KCNMA1: variants seen among roughly 807,000 people sequenced by gnomAD.
KCNMA1 encodes potassium calcium-activated channel subfamily M alpha 1, also known as Calcium-activated potassium channel subunit alpha-1.
KCNMA1 carries 29 observed loss-of-function variants against 140.0 expected under a neutral mutation model. That is an observed-to-expected ratio of 0.21 (90% CI 0.15 to 0.28). The LOEUF is 0.28. Among genes scored for constraint, KCNMA1 ranks in the 10% least tolerant of loss-of-function variants. The probability of loss-of-function intolerance (pLI) is 1.00; values close to 1 mark genes in which losing one functional copy is unlikely to be tolerated. For missense variants in KCNMA1, 880 were observed against 1,602.2 expected, an observed-to-expected ratio of 0.55 and a Z score of 7.70; for synonymous variants, 612 against 611.9, an observed-to-expected ratio of 1.00 and a Z score of 0.00.
intron 2 of KCNMA1, among the ~76,000 whole-genome samples, chr10:77,256,601 G>A (rs2060812531): frequency 6.6e-6 from 1 of 152,144 alleles, no homozygotes; most frequent in Non-Finnish European, 1.5e-5. Flanking sequence ...CGTGCTAGGA[G>A]TACTAGAAAA....
intron 1 of KCNMA1, among the ~76,000 whole-genome samples, chr10:77,448,320 G>C (rs1446264671): frequency 6.6e-6 from 1 of 152,176 alleles, no homozygotes; most frequent in African/African-American, 2.4e-5. Context: ...ACATTTATCA[G>C]AATGAGGAAA....
chr10:77,326,477 T>C (rs925163920), intron 2 of KCNMA1, among the ~76,000 whole-genome samples: 11 of 151,876 alleles, frequency 7.2e-5, no homozygotes, highest in Admixed American at 2.0e-4. Flanking sequence ...TGGCACACAG[T>C]AAGTGCTGAA....
intron 9 of KCNMA1, among the ~76,000 whole-genome samples, chr10:77,102,185 T>C (rs1004275873): frequency 2.0e-5 from 3 of 152,118 alleles, no homozygotes; most frequent in Non-Finnish European, 4.4e-5. Context: ...TCCTTTAAGG[T>C]AGGGTAGGCT....
At chr10:77,378,054 A>G (rs1242895957) in intron 2 of KCNMA1, among the ~76,000 whole-genome samples, 1 of 152,222 alleles carries the variant, frequency 6.6e-6, no homozygotes, top group Non-Finnish European at 1.5e-5. Context: ...CAATGAGTTC[A>G]GAGAAGTCCC....
chr10:77,053,122 AG>A (rs2095429454), intron 14 of KCNMA1, among the ~76,000 whole-genome samples: 1 of 152,128 alleles, frequency 6.6e-6, no homozygotes, highest in African/African-American at 2.4e-5. Context: ...GGAAAGAGGG[AG>A]AGGACTTGCT....
intron 13 of KCNMA1, among the ~76,000 whole-genome samples, chr10:77,075,990 ACCCCTCCCTC>A (rs754917877): frequency 1.3e-5 from 2 of 151,492 alleles, no homozygotes; most frequent in Non-Finnish European, 2.9e-5. Flanking sequence ...CTACTTCACC[ACCCCTCCCTC>A]CTCTCATGGA....
chr10:77,186,296 G>T (rs532564160), intron 3 of KCNMA1, among the ~76,000 whole-genome samples: 8 of 151,020 alleles, frequency 5.3e-5, no homozygotes, highest in African/African-American at 1.9e-4. Context: ...CAAGCATTAA[G>T]AGTAACCTTT....
intron 3 of KCNMA1, among the ~76,000 whole-genome samples, chr10:77,225,459 C>T (rs1267514472): frequency 6.6e-6 from 1 of 152,200 alleles, no homozygotes; most frequent in Non-Finnish European, 1.5e-5. Flanking sequence ...AAAACAGAAG[C>T]TCTAAACAGA....
intron 2 of KCNMA1, among the ~76,000 whole-genome samples, chr10:77,317,129 G>C (rs931648198): frequency 6.6e-6 from 1 of 152,088 alleles, no homozygotes; most frequent in African/African-American, 2.4e-5. Flanking sequence ...CTACCACTTA[G>C]ACTGCCAACT....
intron 1 of KCNMA1, among the ~76,000 whole-genome samples, chr10:77,475,115 AC>A (rs1219205823): frequency 1.6e-4 from 25 of 152,168 alleles, no homozygotes; most frequent in African/African-American, 6.0e-4. Flanking sequence ...AAGTGCCTCA[AC>A]TTGTCCCCCT....
downstream of KCNMA1, chr10:76,876,681 C>T (rs1247544099): frequency 6.6e-6 from 1 of 152,134 alleles, no homozygotes; most frequent in Non-Finnish European, 1.5e-5. Flanking sequence ...AATCTGTCTC[C>T]ATGATTGTAG....
chr10:77,322,298 T>A (rs1480406001), intron 2 of KCNMA1, among the ~76,000 whole-genome samples: 14 of 152,204 alleles, frequency 9.2e-5, no homozygotes, highest in South Asian at 4.1e-4. Context: ...AATCTCTCTT[T>A]ACACGGGTTA....
At chr10:76,895,621 C>T (rs2042146094) in intron 25 of KCNMA1, among the ~76,000 whole-genome samples, 1 of 152,134 alleles carries the variant, frequency 6.6e-6, no homozygotes, top group African/African-American at 2.4e-5. Flanking sequence ...AAGAGTGATG[C>T]AATGATACAT....
chr10:76,956,517 C>A (rs2068375186), intron 20 of KCNMA1, among the ~76,000 whole-genome samples: 1 of 152,100 alleles, frequency 6.6e-6, no homozygotes, highest in African/African-American at 2.4e-5. Flanking sequence ...CCCTCTCTGA[C>A]CAGCATGGTA....
chr10:77,136,244 C>T (rs1033834490), intron 5 of KCNMA1, among the ~76,000 whole-genome samples: 1 of 152,088 alleles, frequency 6.6e-6, no homozygotes, highest in Admixed American at 6.5e-5. Context: ...AAATAGAAAG[C>T]AGCTTAAAAT....
chr10:77,455,236 C>T (rs945841269), intron 1 of KCNMA1, among the ~76,000 whole-genome samples: 3 of 152,162 alleles, frequency 2.0e-5, no homozygotes, highest in Non-Finnish European at 4.4e-5. Flanking sequence ...ACCCTTACTC[C>T]TACTCAAAAA....
intron 2 of KCNMA1, among the ~76,000 whole-genome samples, chr10:77,369,885 T>C (rs2094573632): frequency 6.6e-6 from 1 of 152,210 alleles, no homozygotes; most frequent in African/African-American, 2.4e-5. Flanking sequence ...TGCTTTCATA[T>C]CCATCTCACA....
intron 1 of KCNMA1, among the ~76,000 whole-genome samples, chr10:77,608,374 A>G (rs759549923): frequency 2.0e-5 from 3 of 152,028 alleles, no homozygotes; most frequent in African/African-American, 4.8e-5. Flanking sequence ...GAGTTTTGCC[A>G]TGTTGCCCAG....
intron 20 of KCNMA1, among the ~76,000 whole-genome samples, chr10:76,958,109 G>A (rs1307805829): frequency 6.6e-6 from 1 of 152,174 alleles, no homozygotes; most frequent in African/African-American, 2.4e-5. Flanking sequence ...CAACACTGCT[G>A]TGATCCAGGG....
Sources: gnomAD v4.1 joint callset for allele counts (sites outside exome capture counted in the v4.1 genomes callset) on GRCh38, gnomAD v4.1.1 for gene constraint, MANE v1.5 for transcripts, NCBI Gene and HGNC (gene_info 2026-07-23, HGNC 2026-07-21) for gene names.